IMMP2L: variants seen among roughly 807,000 people sequenced by gnomAD.
IMMP2L encodes the protein inner mitochondrial membrane peptidase subunit 2.
In IMMP2L, 18 loss-of-function variants were observed where a neutral mutation model predicts 19.3. The observed-to-expected ratio is 0.93, with a 90% CI of 0.64 to 1.38. The LOEUF (loss-of-function observed/expected upper bound fraction) is 1.38. Among genes scored for constraint, IMMP2L ranks in the 40% most tolerant of loss-of-function variants. IMMP2L has a pLI of 0.00. For missense variants in IMMP2L, 233 were observed against 218.2 expected (o/e 1.07, Z -0.43); for synonymous variants, 76 against 73.0 (o/e 1.04, Z -0.21).
intron 3 of IMMP2L, among the ~76,000 whole-genome samples, chr7:111,037,456 C>T (rs1017396275): frequency 1.3e-5 from 2 of 152,064 alleles, no homozygotes; most frequent in Non-Finnish European, 2.9e-5. Context: ...TTAAAGCACA[C>T]TTCAGATGCA....
intron 3 of IMMP2L, among the ~76,000 whole-genome samples, chr7:111,341,507 A>G (rs1220475001): frequency 6.6e-6 from 1 of 152,174 alleles, no homozygotes; most frequent in Non-Finnish European, 1.5e-5. Context: ...ACACCTAAAC[A>G]TATATAAATA....
chr7:111,133,751 TAA>T (rs1216978709), intron 3 of IMMP2L, among the ~76,000 whole-genome samples: 1 of 151,748 alleles, frequency 6.6e-6, no homozygotes, highest in Admixed American at 6.6e-5. Flanking sequence ...ACGTGGGAAA[TAA>T]AAGACAAAAG....
At chr7:110,996,889 A>AGTGT (rs377150073) in intron 3 of IMMP2L, among the ~76,000 whole-genome samples, 2 of 151,878 alleles carry the variant, frequency 1.3e-5, no homozygotes, top group African/African-American at 4.8e-5. Flanking sequence ...GTTAGTTGTG[A>AGTGT]GTGTGTGTGT....
At chr7:111,089,627 A>G (rs560114032) in intron 3 of IMMP2L, among the ~76,000 whole-genome samples, 1 of 152,230 alleles carries the variant, frequency 6.6e-6, no homozygotes, top group East Asian at 1.9e-4. Context: ...CATGATCCCT[A>G]ACATACAGAA....
chr7:111,018,776 TTG>T (rs972964050), intron 3 of IMMP2L, among the ~76,000 whole-genome samples: 2 of 143,890 alleles, frequency 1.4e-5, no homozygotes, highest in Non-Finnish European at 3.0e-5. Flanking sequence ...CCACTGGAAA[TTG>T]TGTGTCTTTT....
chr7:111,173,303 G>T (rs1806657499), intron 3 of IMMP2L, among the ~76,000 whole-genome samples: 1 of 151,544 alleles, frequency 6.6e-6, no homozygotes, highest in South Asian at 2.1e-4. Flanking sequence ...CCTAAAAAGT[G>T]ATTTCTTTAA....
rs537594147 is a variant in IMMP2L at position 111,430,155 on chromosome 7, T to C, written c.239+57083A>G. On this transcript the variant is annotated intron_variant, in intron 3 of 5. Coordinates refer to ENST00000405709, the MANE Select transcript of IMMP2L (RefSeq NM_032549.4). ...ACAAAGTCCTATTTGAAATTCTTAT[T>C]ATAATATTAAAATTGGGAAAAGAGC... Among the ~76,000 whole-genome samples the C allele has an allele frequency of 8.6e-5, 13 of 151,982 alleles. 1 individual carries two copies. Among genetic ancestry groups the C allele is most frequent in the African/African-American group, 3.1e-4 (13 of 41,296 alleles).
chr7:111,249,886 G>A (rs1587030045), intron 3 of IMMP2L, among the ~76,000 whole-genome samples: 1 of 152,128 alleles, frequency 6.6e-6, no homozygotes, highest in African/African-American at 2.4e-5. Context: ...GTTCAACACA[G>A]TATTGGAAGT....
chr7:110,938,087 C>G (rs1816317218), intron 4 of IMMP2L, among the ~76,000 whole-genome samples: 2 of 152,154 alleles, frequency 1.3e-5, no homozygotes, highest in African/African-American at 4.8e-5. Context: ...GTATGCATAT[C>G]AGTTCAGCTC....
chr7:110,861,131 CAGAGACAGAGAGACAG>C, intron 5 of IMMP2L, among the ~76,000 whole-genome samples: 1 of 131,960 alleles, frequency 7.6e-6, no homozygotes, highest in South Asian at 2.3e-4. Flanking sequence ...GAGAGAGAGA[CAGAGACAGAGAGACAG>C]AGACAGAGAG....
At chr7:111,331,435 G>T (rs965958104) in intron 3 of IMMP2L, among the ~76,000 whole-genome samples, 2 of 151,848 alleles carry the variant, frequency 1.3e-5, no homozygotes, top group Non-Finnish European at 2.9e-5. Context: ...AAGGAATGGG[G>T]AAATGATAAC....
intron 3 of IMMP2L, among the ~76,000 whole-genome samples, chr7:111,441,112 T>TAAA: frequency 6.6e-6 from 1 of 151,864 alleles, no homozygotes; most frequent in Non-Finnish European, 1.5e-5. Flanking sequence ...ACTAAAACTT[T>TAAA]CTCCATAACA....
chr7:110,690,868 T>A lies in IMMP2L; in HGVS notation c.409-27147A>T, dbSNP rs568270507. On this transcript the variant is annotated intron_variant, in intron 5 of 5. Coordinates refer to ENST00000405709, the MANE Select transcript of IMMP2L (RefSeq NM_032549.4). ...ATTTCATGCTCATGGATTGGAAGAA[T>A]CAATATGGTGAAAGTGACCATACTG... Among the ~76,000 whole-genome samples, 4 of 151,984 alleles carry A rather than the reference T, an allele frequency of 2.6e-5. No homozygotes were observed. In the South Asian group the frequency reaches 6.2e-4, roughly 24 times the overall value.
At chr7:111,143,824 A>T (rs1208959534) in intron 3 of IMMP2L, among the ~76,000 whole-genome samples, 1 of 152,134 alleles carries the variant, frequency 6.6e-6, no homozygotes, top group East Asian at 1.9e-4. Context: ...TAACACTAGT[A>T]ATCTCTTTGT....
chr7:110,753,317 T>C (rs543878598), intron 5 of IMMP2L, among the ~76,000 whole-genome samples: 2 of 152,168 alleles, frequency 1.3e-5, no homozygotes, highest in Admixed American at 1.3e-4. Context: ...TAGAGGTAAG[T>C]ATGGATGACC....
intron 2 of IMMP2L, chr7:111,492,282 G>C: frequency 2.3e-6 from 1 of 443,324 alleles, no homozygotes; most frequent in South Asian, 9.4e-5. Flanking sequence ...TCAAAACAAA[G>C]ATCCTATTCC....
chr7:111,140,380 G>A (rs1802756498), intron 3 of IMMP2L, among the ~76,000 whole-genome samples: 1 of 152,110 alleles, frequency 6.6e-6, no homozygotes, highest in South Asian at 2.1e-4. Context: ...ATGAACCTTT[G>A]GACAAGATCA....
intron 3 of IMMP2L, chr7:111,411,680 G>T: frequency 4.5e-6 from 1 of 224,128 alleles, no homozygotes; most frequent in South Asian, 6.9e-5. Context: ...GGAGCAAATG[G>T]AAGGAAAAGT....
intron 5 of IMMP2L, among the ~76,000 whole-genome samples, chr7:110,860,149 T>C (rs997303537): frequency 8.5e-5 from 13 of 152,090 alleles, no homozygotes; most frequent in Admixed American, 6.6e-5. Context: ...TGGGGCAGCA[T>C]TATATTCCAT....
Sources: gnomAD v4.1 joint callset for allele counts (sites outside exome capture counted in the v4.1 genomes callset) on GRCh38, gnomAD v4.1.1 for gene constraint, MANE v1.5 for transcripts, NCBI Gene and HGNC (gene_info 2026-07-23, HGNC 2026-07-21) for gene names.